The following DCHS2 variants were observed in gnomAD, a reference collection of about 807,000 sequenced individuals.
DCHS2 encodes the protein dachsous cadherin-related 2, also known as protocadherin-23.
Under a neutral mutation model 182.4 loss-of-function variants are expected in DCHS2, and 142 were observed. The ratio of observed to expected loss-of-function variants is 0.78; its 90% confidence interval spans 0.68 to 0.89. The LOEUF is 0.89. Ranked by LOEUF, DCHS2 falls within the 40% of genes least tolerant of loss-of-function variation. The pLI is 0.00. For missense variants in DCHS2, 4,319 were observed against 4,198.6 expected, an observed-to-expected ratio of 1.03 and a Z score of -0.79; for synonymous variants, 1,740 against 1,663.3, an observed-to-expected ratio of 1.05 and a Z score of -1.12.
intron 7 of DCHS2, chr4:154,323,400 G>T: frequency 6.5e-7 from 1 of 1,530,620 alleles, no homozygotes. Context: ...TGCCATGATA[G>T]CTCACTGCAG....
intron 4 of DCHS2, chr4:154,334,595 G>C (rs1241684718): frequency 1.9e-5 from 6 of 316,744 alleles, no homozygotes; most frequent in Non-Finnish European, 3.5e-5. Flanking sequence ...TTTTGTGAGT[G>C]GGTTATAGGA....
intron 1 of DCHS2, among the ~76,000 whole-genome samples, chr4:154,459,496 C>T (rs574492134): frequency 2.9e-4 from 44 of 152,190 alleles, no homozygotes; most frequent in African/African-American, 1.0e-3. Context: ...CCCCGACCAC[C>T]GTCCCCACAA....
chr4:154,431,174 A>G (rs192492062), intron 1 of DCHS2, among the ~76,000 whole-genome samples: 2 of 152,290 alleles, frequency 1.3e-5, no homozygotes, highest in Admixed American at 1.3e-4. Context: ...CATCTTTACA[A>G]TATTGAAAAC....
At chr4:154,470,290 C>T (rs1350626392) in intron 1 of DCHS2, among the ~76,000 whole-genome samples, 1 of 151,932 alleles carries the variant, frequency 6.6e-6, no homozygotes, top group East Asian at 1.9e-4. Context: ...TTGAGGCTAG[C>T]CTGGGCAACA....
Position 154,333,159 on chromosome 4 carries a change from A to C in DCHS2, c.3049T>G (p.Ser1017Ala). Residue 1017 changes from serine to alanine, a missense_variant, in exon 5 of 20, where the codon TCC (serine) becomes GCC (alanine). Physicochemically the swap from Ser to Ala is moderately conservative, Grantham distance 99 (BLOSUM62 1). Coordinates refer to ENST00000357232, the MANE Select transcript of DCHS2 (RefSeq NM_001358235.2). ...ACGCCTGGCTGCGGGCTGGCGATGG[A>C]GTACCGGATGAGTCCGTTCCGCCCA... Reference protein sequence around the residue: ...DSGRNGLIRYSIASPQPGVFA... With the variant: ...DSGRNGLIRYAIASPQPGVFA... 1 of 1,614,188 alleles carries C rather than the reference A, an allele frequency of 6.2e-7. No individual in the cohort carries two copies. The highest frequency in any genetic ancestry group is 8.5e-7 in the Non-Finnish European group (1 of 1,180,044).
chr4:154,357,201 G>A (rs1729912146), intron 3 of DCHS2: 3 of 1,543,462 alleles, frequency 1.9e-6, no homozygotes, highest in East Asian at 2.3e-5. Context: ...GGCTTTTTTG[G>A]AGAAGGCTAA....
chr4:154,364,759 A>G (rs924667006), intron 3 of DCHS2, among the ~76,000 whole-genome samples: 7 of 152,200 alleles, frequency 4.6e-5, no homozygotes, highest in African/African-American at 7.2e-5. Context: ...TTTCTACCGT[A>G]TATGGCTATT....
chr4:154,240,908 T>A (rs1731795363), intron 17 of DCHS2, 85 bp from the exon 18 acceptor site: 1 of 1,510,388 alleles, frequency 6.6e-7, no homozygotes, highest in Non-Finnish European at 8.9e-7. Context: ...CAAGTATTTT[T>A]ATTCTAAGTC....
chr4:154,325,530 G>C (rs1326064709), intron 7 of DCHS2, among the ~76,000 whole-genome samples: 3 of 151,934 alleles, frequency 2.0e-5, no homozygotes, highest in African/African-American at 7.3e-5. Context: ...TCCCACCCAA[G>C]GACCAGATTA....
chr4:154,308,513 C>T (rs1735540157), intron 10 of DCHS2, among the ~76,000 whole-genome samples: 1 of 152,050 alleles, frequency 6.6e-6, no homozygotes, highest in African/African-American at 2.4e-5. Flanking sequence ...TTCATGTGTT[C>T]ATTTATGAAT....
chr4:154,432,474 A>G (rs1040685481), intron 1 of DCHS2, among the ~76,000 whole-genome samples: 1 of 152,208 alleles, frequency 6.6e-6, no homozygotes, highest in East Asian at 1.9e-4. Flanking sequence ...ATGATGACAT[A>G]TAAGTTGGGA....
chr4:154,335,607 A>G (rs2111371994), intron 3 of DCHS2, among the ~76,000 whole-genome samples: 1 of 152,286 alleles, frequency 6.6e-6, no homozygotes. Flanking sequence ...CTCACCCTGC[A>G]GATCTTGGGA....
At chr4:154,413,109 G>T (rs1732697058) in intron 1 of DCHS2, among the ~76,000 whole-genome samples, 2 of 152,168 alleles carry the variant, frequency 1.3e-5, no homozygotes, top group South Asian at 4.1e-4. Flanking sequence ...AAGGATTATA[G>T]AAACATCCAA....
rs949344155 is a variant in DCHS2, at chr4:154,347,547, T to C, written c.2477-12443A>G. On this transcript the variant is annotated intron_variant, in intron 3 of 19. Coordinates refer to ENST00000357232, the MANE Select transcript of DCHS2 (RefSeq NM_001358235.2). ...CGTATATATAAACAAAGTACTGTTG[T>C]ACTACAGTATAGTACTACAAAGTAC... Among the ~76,000 whole-genome samples the C allele has an allele frequency of 3.7e-4, 56 of 151,972 alleles. 2 individuals carry two copies. The highest frequency in any genetic ancestry group is 1.3e-3 in the African/African-American group (52 of 41,258).
intron 16 of DCHS2, among the ~76,000 whole-genome samples, chr4:154,244,063 C>A (rs1222005431): frequency 6.6e-6 from 1 of 152,212 alleles, no homozygotes; most frequent in Non-Finnish European, 1.5e-5. Flanking sequence ...GCGAAGTTGT[C>A]ATGGACCTTT....
intron 1 of DCHS2, among the ~76,000 whole-genome samples, chr4:154,450,855 C>T (rs1734503238): frequency 2.0e-5 from 3 of 151,854 alleles, no homozygotes; most frequent in Non-Finnish European, 4.4e-5. Context: ...AAAATTTAGG[C>T]GGCTTCCACC....
At chr4:154,412,122 A>G (rs1052582679) in intron 1 of DCHS2, among the ~76,000 whole-genome samples, 1 of 152,242 alleles carries the variant, frequency 6.6e-6, no homozygotes, top group Admixed American at 6.5e-5. Context: ...AAGAAGAAAG[A>G]TAGTTATAAG....
At position 154,304,886 on chromosome 4, in the gene DCHS2, A is replaced by G. The variant is rs201547447; in HGVS notation, c.5396-8T>C. 1 of 1,599,912 alleles carries G rather than the reference A, an allele frequency of 6.3e-7. No homozygotes were observed. Among genetic ancestry groups the G allele is most frequent in the African/African-American group, 1.3e-5 (1 of 74,598 alleles). On this transcript the variant is annotated splice_region_variant and splice_polypyrimidine_tract_variant and intron_variant, in intron 11 of 19. Coordinates refer to ENST00000357232, the MANE Select transcript of DCHS2 (RefSeq NM_001358235.2). ...CCCCATCTCGTACTAGTACTGACAC[A>G]GAACACAAAGACGGTATGAATTGTG...
chr4:154,297,598 T>G, intron 13 of DCHS2, among the ~76,000 whole-genome samples: 1 of 152,222 alleles, frequency 6.6e-6, no homozygotes, highest in East Asian at 1.9e-4. Flanking sequence ...ATTCATTAGC[T>G]TTTCTAACTG....
Sources: allele counts gnomAD v4.1 joint callset (sites outside exome capture counted in the v4.1 genomes callset), GRCh38; gene constraint gnomAD v4.1.1; transcripts MANE v1.5; gene names NCBI Gene and HGNC (gene_info 2026-07-23, HGNC 2026-07-21).